The following EYA1 variants were observed in gnomAD, a reference collection of about 807,000 sequenced individuals.
EYA1 encodes protein phosphatase EYA1.
EYA1 carries 16 observed loss-of-function variants against 82.0 expected under a neutral mutation model. The observed-to-expected ratio is 0.20, with a 90% CI of 0.13 to 0.30. EYA1 has a LOEUF of 0.30. Ranked by LOEUF, EYA1 falls within the 10% of genes least tolerant of loss-of-function variation. The probability of loss-of-function intolerance (pLI) is 1.00; values close to 1 mark genes in which losing one functional copy is unlikely to be tolerated. For synonymous variants in EYA1, 261 were observed against 264.4 expected (o/e 0.99, Z 0.12); for missense variants, 633 against 730.7 (o/e 0.87, Z 1.54).
chr8:71,322,974 G>C (rs1822753197), intron 4 of EYA1, among the ~76,000 whole-genome samples: 1 of 152,016 alleles, frequency 6.6e-6, no homozygotes, highest in Non-Finnish European at 1.5e-5. Flanking sequence ...AAGCATTCAA[G>C]CAGAACTTTA....
intron 2 of EYA1, among the ~76,000 whole-genome samples, chr8:71,519,118 C>T (rs981028746): frequency 3.9e-5 from 6 of 152,052 alleles, no homozygotes; most frequent in Non-Finnish European, 8.8e-5. Context: ...TGAATATTAA[C>T]GTAGAATGTA....
intron 2 of EYA1, among the ~76,000 whole-genome samples, chr8:71,413,000 C>T (rs560600477): frequency 2.2e-4 from 34 of 152,168 alleles, no homozygotes; most frequent in East Asian, 9.7e-4. Context: ...TTGTGTGAAG[C>T]GGCAGAGTCA....
chr8:71,410,067 G>A (rs369963795), intron 2 of EYA1, among the ~76,000 whole-genome samples: 2 of 152,050 alleles, frequency 1.3e-5, no homozygotes, highest in Non-Finnish European at 2.9e-5. Flanking sequence ...TATAAGGCTG[G>A]TTCAATATAC....
At chr8:71,288,253 C>G (rs1171771040) in intron 9 of EYA1, among the ~76,000 whole-genome samples, 4 of 152,172 alleles carry the variant, frequency 2.6e-5, no homozygotes, top group African/African-American at 9.7e-5. Flanking sequence ...AGTAGAGAAA[C>G]TCCAATAACT....
intron 9 of EYA1, among the ~76,000 whole-genome samples, 159 bp from the exon 10 acceptor site, chr8:71,272,056 A>T (rs901992956): frequency 6.6e-6 from 1 of 152,208 alleles, no homozygotes; most frequent in African/African-American, 2.4e-5. Context: ...ATAATTTATA[A>T]GATATCTGAT....
At chr8:71,539,101 A>G (rs1031558438) in intron 1 of EYA1, among the ~76,000 whole-genome samples, 5 of 152,110 alleles carry the variant, frequency 3.3e-5, no homozygotes, top group Non-Finnish European at 1.5e-5. Flanking sequence ...AAAGACAAGG[A>G]CTAAGAGGCA....
intron 2 of EYA1, among the ~76,000 whole-genome samples, chr8:71,415,355 G>A (rs1830798411): frequency 6.6e-6 from 1 of 152,162 alleles, no homozygotes; most frequent in Non-Finnish European, 1.5e-5. Flanking sequence ...TGCTTTACTT[G>A]TATTATCTCA....
intron 2 of EYA1, among the ~76,000 whole-genome samples, chr8:71,412,717 C>T (rs1424268238): frequency 1.3e-5 from 2 of 152,176 alleles, no homozygotes; most frequent in African/African-American, 2.4e-5. Context: ...CTGGTGCTTT[C>T]CACATCCTAC....
At chr8:71,453,391 C>T (rs1399298546) in intron 2 of EYA1, among the ~76,000 whole-genome samples, 2 of 152,060 alleles carry the variant, frequency 1.3e-5, no homozygotes, top group East Asian at 3.9e-4. Flanking sequence ...CAAGGCAGGC[C>T]AACATTCAAA....
intron 2 of EYA1, among the ~76,000 whole-genome samples, chr8:71,412,458 G>GA (rs1271437700): frequency 4.6e-5 from 7 of 151,738 alleles, no homozygotes; most frequent in Non-Finnish European, 7.4e-5. Flanking sequence ...ATTTATCTTA[G>GA]ATGCAATAAT....
chr8:71,526,197 G>C (rs990092929), intron 2 of EYA1, among the ~76,000 whole-genome samples: 1 of 150,486 alleles, frequency 6.6e-6, no homozygotes, highest in African/African-American at 2.4e-5. Context: ...TAAAACAGGA[G>C]AAAGAAGAGT....
intron 2 of EYA1, among the ~76,000 whole-genome samples, chr8:71,497,186 A>G (rs1005020839): frequency 2.6e-5 from 4 of 152,242 alleles, no homozygotes; most frequent in Non-Finnish European, 5.9e-5. Flanking sequence ...TACATAAAAT[A>G]TAATAACACT....
rs546434213 is a variant in EYA1 at position 71,399,808 on chromosome 8, C to T, written c.34-43297G>A. The stretch of plus-strand genomic sequence containing the variant: ...ATCAGAAAAAAACTACTTTAAAATT[C>T]ATATGGAGCCACAAAAGAGCCTGTA... On this transcript the variant is annotated intron_variant, in intron 2 of 18. Transcript: ENST00000643681. Among the ~76,000 whole-genome samples the T allele has an allele frequency of 6.8e-4, 103 of 152,260 alleles. 1 individual carries two copies. Among genetic ancestry groups the T allele is most frequent in the African/African-American group, 2.4e-3 (99 of 41,528 alleles).
At chr8:71,369,749 T>C (rs1050553178) in intron 2 of EYA1, among the ~76,000 whole-genome samples, 1 of 152,320 alleles carries the variant, frequency 6.6e-6, no homozygotes, top group South Asian at 2.1e-4. Context: ...TGAGGGAACA[T>C]GGCCCTGGTT....
chr8:71,285,543 G>T (rs1205511621), intron 9 of EYA1, among the ~76,000 whole-genome samples: 1 of 152,184 alleles, frequency 6.6e-6, no homozygotes, highest in Non-Finnish European at 1.5e-5. Flanking sequence ...TAGCTGAACT[G>T]AAACGAATAA....
At chr8:71,419,250 A>G (rs1437300542) in intron 2 of EYA1, among the ~76,000 whole-genome samples, 1 of 152,194 alleles carries the variant, frequency 6.6e-6, no homozygotes, top group Admixed American at 6.5e-5. Context: ...GAACTAGTAC[A>G]ACAGTCCATC....
intron 9 of EYA1, among the ~76,000 whole-genome samples, chr8:71,287,257 T>C (rs1818490919): frequency 2.0e-5 from 3 of 152,324 alleles, no homozygotes; most frequent in South Asian, 2.1e-4. Context: ...TTTTCAGTCA[T>C]AGAAATCTCC....
chr8:71,209,303 A>G (rs1416171075), intron 17 of EYA1, among the ~76,000 whole-genome samples: 2 of 152,230 alleles, frequency 1.3e-5, no homozygotes, highest in Admixed American at 6.5e-5. Flanking sequence ...TTTTATAAAG[A>G]CAGCCCAGAG....
intron 2 of EYA1, among the ~76,000 whole-genome samples, chr8:71,396,507 G>T (rs944965677): frequency 6.6e-6 from 1 of 152,106 alleles, no homozygotes; most frequent in African/African-American, 2.4e-5. Context: ...GTTCTCATTG[G>T]TTTCAAAGAA....
Sources: allele counts gnomAD v4.1 joint callset (sites outside exome capture counted in the v4.1 genomes callset), GRCh38; gene constraint gnomAD v4.1.1; transcripts MANE v1.5; gene names NCBI Gene and HGNC (gene_info 2026-07-23, HGNC 2026-07-21).